ASIC2: variants seen among roughly 807,000 people sequenced by gnomAD.
ASIC2 encodes acid-sensing ion channel 2.
Under a neutral mutation model 57.3 loss-of-function variants are expected in ASIC2, and 25 were observed. The ratio of observed to expected loss-of-function variants is 0.44; its 90% confidence interval spans 0.32 to 0.61. The LOEUF (loss-of-function observed/expected upper bound fraction) is 0.61, where lower values mean the gene tolerates loss of function less well. Ranked by LOEUF, ASIC2 falls within the 20% of genes least tolerant of loss-of-function variation. The pLI is 0.06. For synonymous variants in ASIC2, 319 were observed against 307.5 expected, an observed-to-expected ratio of 1.04 and a Z score of -0.39; for missense variants, 641 against 738.1, an observed-to-expected ratio of 0.87 and a Z score of 1.52.
rs149893240 is a variant in ASIC2 at position 33,815,433 on chromosome 17, C to A, written c.555+340545G>T. ...AACCCTGGGCTGTGCCTCATTAGCC[C>A]AAACCCATTGTGTCCACACTCACCC... On this transcript the variant is annotated intron_variant, in intron 1 of 9. Coordinates refer to the ASIC2 transcript ENST00000359872. Among the ~76,000 whole-genome samples the A allele has an allele frequency of 1.5e-3, 221 of 152,324 alleles. 1 individual carries two copies. Among genetic ancestry groups the A allele is most frequent in the African/African-American group, 5.0e-3 (207 of 41,564 alleles).
intron 1 of ASIC2, among the ~76,000 whole-genome samples, chr17:33,742,374 T>C (rs183102493): frequency 7.2e-5 from 11 of 152,278 alleles, no homozygotes; most frequent in Admixed American, 7.2e-4. Flanking sequence ...TGACTTCTAC[T>C]TATCCTTAAG....
intron 1 of ASIC2, among the ~76,000 whole-genome samples, chr17:33,486,226 T>A (rs1007521659): frequency 2.0e-5 from 3 of 152,234 alleles, no homozygotes; most frequent in African/African-American, 7.2e-5. Flanking sequence ...CGGGTAGTGT[T>A]TTCATGGCTT....
At chr17:33,355,831 G>A (rs771767433) in intron 1 of ASIC2, among the ~76,000 whole-genome samples, 2 of 152,274 alleles carry the variant, frequency 1.3e-5, no homozygotes, top group Non-Finnish European at 2.9e-5. Flanking sequence ...GGCTACAGCT[G>A]TGAACGAGGC....
At chr17:33,711,842 TG>T (rs1447256792) in intron 1 of ASIC2, among the ~76,000 whole-genome samples, 1 of 152,160 alleles carries the variant, frequency 6.6e-6, no homozygotes, top group East Asian at 1.9e-4. Flanking sequence ...ACATGAGATT[TG>T]GGTGGGGACA....
At chr17:33,799,446 CTTTCT>C (rs1567719151) in intron 1 of ASIC2, among the ~76,000 whole-genome samples, 14 of 77,754 alleles carry the variant, frequency 1.8e-4, no homozygotes, top group African/African-American at 4.8e-4. Flanking sequence ...TTCTTTCTTT[CTTTCT>C]TTCTTTCTTT....
chr17:33,411,770 G>C (rs8076691), intron 1 of ASIC2, among the ~76,000 whole-genome samples: 1 of 152,190 alleles, frequency 6.6e-6, no homozygotes, highest in African/African-American at 2.4e-5. Flanking sequence ...GTGACTGAGC[G>C]AGGTATCTTT....
At chr17:33,798,469 CCAAAGCACAGAT>C (rs1348317275) in intron 1 of ASIC2, among the ~76,000 whole-genome samples, 3 of 152,034 alleles carry the variant, frequency 2.0e-5, no homozygotes, top group Admixed American at 6.6e-5. Context: ...ATGGAACAGC[CCAAAGCACAGAT>C]CAAAGCCATC....
intron 1 of ASIC2, among the ~76,000 whole-genome samples, chr17:33,356,143 G>T (rs1187534273): frequency 1.3e-5 from 2 of 152,244 alleles, no homozygotes. Flanking sequence ...CAAGGCAGGT[G>T]TGAAGGATAG....
intron 1 of ASIC2, among the ~76,000 whole-genome samples, chr17:33,556,408 GA>G (rs1036697726): frequency 6.6e-6 from 1 of 152,188 alleles, no homozygotes; most frequent in Non-Finnish European, 1.5e-5. Flanking sequence ...CAGCACGTGG[GA>G]AAATCTGAGA....
At chr17:33,578,423 C>A (rs1187617675) in intron 1 of ASIC2, among the ~76,000 whole-genome samples, 1 of 152,152 alleles carries the variant, frequency 6.6e-6, no homozygotes, top group African/African-American at 2.4e-5. Context: ...TGCTACCTTA[C>A]TCATTTACAG....
chr17:33,291,585 GC>G lies in ASIC2; in HGVS notation c.530del (p.Gly177AlafsTer119). On this transcript the variant is annotated frameshift_variant, in exon 1 of 10. Transcript: ENST00000225823. LOFTEE classifies it high-confidence loss of function. ...GGAACCACTGGCGGCGCGGCTCGTCGCCCCGCAGCAGCTCGCTGACAAGCGG... is the reference window on the plus strand; with the variant it reads ...GGAACCACTGGCGGCGCGGCTCGTCGCCCGCAGCAGCTCGCTGACAAGCGG... ...ARPLVSELLR[G>X]DEPRRQWFRK... The G allele has an allele frequency of 1.2e-6, 2 of 1,607,950 alleles. No homozygotes were observed. The highest frequency in any genetic ancestry group is 1.7e-6 in the Non-Finnish European group (2 of 1,178,430).
intron 1 of ASIC2, among the ~76,000 whole-genome samples, chr17:33,231,664 T>C (rs1217237308): frequency 6.6e-6 from 1 of 152,128 alleles, no homozygotes; most frequent in Non-Finnish European, 1.5e-5. Context: ...GATGGGTCAC[T>C]GTGATCAGGG....
At chr17:33,019,565 G>C (rs930601440) in intron 7 of ASIC2, among the ~76,000 whole-genome samples, 3 of 151,974 alleles carry the variant, frequency 2.0e-5, no homozygotes, top group Admixed American at 1.3e-4. Flanking sequence ...CACGTGCATG[G>C]ACACCAGGAG....
intron 1 of ASIC2, among the ~76,000 whole-genome samples, chr17:33,300,567 G>T (rs769451783): frequency 2.0e-4 from 30 of 152,286 alleles, no homozygotes; most frequent in Admixed American, 9.8e-4. Flanking sequence ...AGATATTTCT[G>T]TTTGCCTCTG....
chr17:33,928,699 C>T, intron 1 of ASIC2, among the ~76,000 whole-genome samples: 1 of 152,080 alleles, frequency 6.6e-6, no homozygotes, highest in East Asian at 1.9e-4. Context: ...CACAATGAAC[C>T]AGAGTTCTCG....
chr17:33,245,474 G>A (rs1238449050), intron 1 of ASIC2, among the ~76,000 whole-genome samples: 1 of 152,180 alleles, frequency 6.6e-6, no homozygotes, highest in African/African-American at 2.4e-5. Context: ...TATGAGGGCT[G>A]AGCACACAAA....
intron 2 of ASIC2, among the ~76,000 whole-genome samples, chr17:33,091,288 G>T (rs545162773): frequency 6.6e-6 from 1 of 152,290 alleles, no homozygotes; most frequent in East Asian, 1.9e-4. Flanking sequence ...AGGAGAGAGT[G>T]TGGAGCCTGA....
At position 33,605,983 on chromosome 17, in the gene ASIC2, C is replaced by T. The variant is rs546356538; in HGVS notation, c.556-493916G>A. On this transcript the variant is annotated intron_variant, in intron 1 of 9. Transcript: ENST00000359872. The stretch of plus-strand genomic sequence containing the variant: ...ACAGGAGATATTACAATGACACAGC[C>T]GTGAGACTGCCATTGATTTCCAGCT... 3.9e-4 allele frequency among the ~76,000 whole-genome samples: 60 copies of T among 152,344 alleles called. No individual in the cohort carries two copies. The South Asian group carries it at 0.011, about 29-fold the overall frequency.
chr17:33,103,968 C>T (rs1227917889), intron 2 of ASIC2, among the ~76,000 whole-genome samples: 1 of 152,184 alleles, frequency 6.6e-6, no homozygotes, highest in Non-Finnish European at 1.5e-5. Context: ...TCAAACCTGT[C>T]TTCAGCAGTA....
Sources: gnomAD v4.1 joint callset for allele counts (sites outside exome capture counted in the v4.1 genomes callset) on GRCh38, gnomAD v4.1.1 for gene constraint, MANE v1.5 for transcripts, NCBI Gene and HGNC (gene_info 2026-07-23, HGNC 2026-07-21) for gene names.